Variants in ASCC3 observed in about 807,000 individuals in gnomAD.
ASCC3 encodes the protein ASC-1 complex subunit P200.
ASCC3 carries 158 observed loss-of-function variants against 256.3 expected under a neutral mutation model. The ratio of observed to expected loss-of-function variants is 0.62; its 90% CI spans 0.54 to 0.70. The LOEUF (loss-of-function observed/expected upper bound fraction) is 0.70, where lower values mean the gene tolerates loss of function less well. Among genes scored for constraint, ASCC3 ranks in the 30% least tolerant of loss-of-function variants. ASCC3 has a pLI of 0.00. For missense variants in ASCC3, 2,259 were observed against 2,626.0 expected (o/e 0.86, Z 3.05); for synonymous variants, 948 against 883.4 (o/e 1.07, Z -1.30).
intron 33 of ASCC3, 151 bp from the exon 34 acceptor site, chr6:100,602,086 T>C: frequency 1.3e-6 from 1 of 746,368 alleles, no homozygotes; most frequent in Non-Finnish European, 2.1e-6. Flanking sequence ...TAATTTTGTA[T>C]ACTGTGTAAA....
chr6:100,754,580 C>A (rs1009892513), intron 10 of ASCC3, among the ~76,000 whole-genome samples: 13 of 152,120 alleles, frequency 8.5e-5, no homozygotes, highest in Non-Finnish European at 1.5e-4. Flanking sequence ...CCTTTAACAT[C>A]GCCACCTCCC....
At chr6:100,660,085 T>C (rs547656893) in intron 16 of ASCC3, among the ~76,000 whole-genome samples, 1 of 151,478 alleles carries the variant, frequency 6.6e-6, no homozygotes, top group Non-Finnish European at 1.5e-5. Context: ...TGGAAAATGT[T>C]TTTAATAGAG....
intron 40 of ASCC3, chr6:100,510,331 G>A (rs779793691): frequency 1.3e-5 from 7 of 528,458 alleles, no homozygotes; most frequent in East Asian, 6.3e-5. Context: ...ACACTAGTTC[G>A]TAGTTGTAAC....
At position 100,612,893 on chromosome 6, in the gene ASCC3, T is replaced by C. The variant is rs1773476937; in HGVS notation, c.4786-5805A>G. 4.0e-5 allele frequency among the ~76,000 whole-genome samples: 6 copies of C among 151,826 alleles called. No homozygotes were observed. The South Asian group carries it at 1.2e-3, about 31-fold the overall frequency. ...TTATCATACTTTCAAAATATAAATA[T>C]ATTTATATGTGATTAAATTACATGT... On this transcript the variant is annotated intron_variant, in intron 30 of 41. Transcript: ENST00000369162.
chr6:100,853,249 G>A (rs1177996802), intron 3 of ASCC3, among the ~76,000 whole-genome samples: 5 of 151,952 alleles, frequency 3.3e-5, no homozygotes, highest in South Asian at 2.1e-4. Flanking sequence ...CACAATCTAC[G>A]TCTGTTTTCT....
chr6:100,727,190 G>A (rs1449545087), intron 10 of ASCC3, among the ~76,000 whole-genome samples: 1 of 151,840 alleles, frequency 6.6e-6, no homozygotes, highest in Non-Finnish European at 1.5e-5. Context: ...CCTTGAGGAG[G>A]GGAAGAGAAG....
At chr6:100,829,051 T>C (rs1771480806) in intron 4 of ASCC3, among the ~76,000 whole-genome samples, 1 of 152,048 alleles carries the variant, frequency 6.6e-6, no homozygotes, top group Admixed American at 6.6e-5. Flanking sequence ...ACAAAGGTTT[T>C]CCAAGTCCCC....
At chr6:100,772,856 G>A (rs558371301) in intron 8 of ASCC3, among the ~76,000 whole-genome samples, 8 of 152,192 alleles carry the variant, frequency 5.3e-5, no homozygotes, top group South Asian at 2.1e-4. Context: ...AGTATGACCC[G>A]CAGGTAACTT....
rs189419524 is a variant in ASCC3 at position 100,825,577 on chromosome 6, T to C, written c.802-19697A>G. Reference sequence around the variant, plus strand: ...AACCTTGGTGAACCTGATGATTATGTGTCTTGAGGTTGCTCTTCTTGAGGA... The same window carrying C: ...AACCTTGGTGAACCTGATGATTATGCGTCTTGAGGTTGCTCTTCTTGAGGA... On this transcript the variant is annotated intron_variant, in intron 4 of 41. Transcript: ENST00000369162. Among the ~76,000 whole-genome samples the C allele has an allele frequency of 3.9e-5, 6 of 152,280 alleles. No homozygotes were observed. In the East Asian group the frequency reaches 9.7e-4, roughly 25 times the overall value.
chr6:100,734,018 G>A (rs972165456), intron 10 of ASCC3, among the ~76,000 whole-genome samples: 4 of 152,198 alleles, frequency 2.6e-5, no homozygotes, highest in Admixed American at 6.5e-5. Context: ...CAATGATGTT[G>A]TCAGAGCGAG....
At position 100,718,948 on chromosome 6, in the gene ASCC3, C is replaced by T. The variant is rs117719246; in HGVS notation, c.1903-697G>A. 8.6e-3 allele frequency among the ~76,000 whole-genome samples: 1,308 copies of T among 152,154 alleles called. 7 individuals carry two copies. Among genetic ancestry groups the T allele is most frequent in the Non-Finnish European group, 0.015 (993 of 67,984 alleles). On this transcript the variant is annotated intron_variant, in intron 11 of 41. Coordinates refer to ENST00000369162, the MANE Select transcript of ASCC3 (RefSeq NM_006828.4). The stretch of plus-strand genomic sequence containing the variant: ...CATTCATTTGTTAATTAAAATATAT[C>T]AGTATGATTTTCTGAGTAAGCTGTT...
At chr6:100,823,953 A>G (rs1265589226) in intron 4 of ASCC3, among the ~76,000 whole-genome samples, 1 of 152,174 alleles carries the variant, frequency 6.6e-6, no homozygotes, top group East Asian at 1.9e-4. Context: ...CACCACAAAT[A>G]CAAAATTAGA....
At chr6:100,722,659 TAA>T (rs1562250075) in intron 11 of ASCC3, among the ~76,000 whole-genome samples, 4 of 151,786 alleles carry the variant, frequency 2.6e-5, no homozygotes, top group African/African-American at 9.7e-5. Flanking sequence ...AATGAATGAA[TAA>T]AAACATAAAT....
intron 34 of ASCC3, among the ~76,000 whole-genome samples, chr6:100,596,175 G>T (rs968641414): frequency 2.6e-5 from 4 of 151,752 alleles, no homozygotes; most frequent in African/African-American, 9.7e-5. Flanking sequence ...CTTATTTCTG[G>T]TTTTATTATA....
chr6:100,568,175 C>T (rs369623751), intron 36 of ASCC3, among the ~76,000 whole-genome samples: 29 of 152,046 alleles, frequency 1.9e-4, no homozygotes, highest in Middle Eastern at 3.4e-3. Context: ...TGAGATCAGC[C>T]TGGCCAACAT....
At chr6:100,635,227 C>A (rs1213451324) in intron 25 of ASCC3, among the ~76,000 whole-genome samples, 1 of 150,766 alleles carries the variant, frequency 6.6e-6, no homozygotes, top group Non-Finnish European at 1.5e-5. Flanking sequence ...TATATATGTA[C>A]ACACACACAC....
intron 11 of ASCC3, among the ~76,000 whole-genome samples, chr6:100,724,105 G>C (rs1430467138): frequency 6.8e-6 from 1 of 147,678 alleles, no homozygotes; most frequent in African/African-American, 2.5e-5. Flanking sequence ...ATTGAGAACA[G>C]GGAAGAAGCA....
chr6:100,553,028 T>C (rs115801215), intron 36 of ASCC3, among the ~76,000 whole-genome samples: 2,441 of 152,166 alleles, frequency 0.016, 66 homozygotes, highest in African/African-American at 0.056. Flanking sequence ...CATGTACTCC[T>C]GAAATTCCAG....
At chr6:100,531,146 A>G in intron 37 of ASCC3, 1 of 769,408 alleles carries the variant, frequency 1.3e-6, no homozygotes, top group South Asian at 1.6e-5. Flanking sequence ...CTAAAGATCA[A>G]TTCTCACAAT....
Sources: allele counts gnomAD v4.1 joint callset (sites outside exome capture counted in the v4.1 genomes callset), GRCh38; gene constraint gnomAD v4.1.1; transcripts MANE v1.5; gene names NCBI Gene and HGNC (gene_info 2026-07-23, HGNC 2026-07-21).